The following CNTRL variants were observed in gnomAD, a reference collection of about 807,000 sequenced individuals.
The protein encoded by CNTRL is 110 kDa centrosomal protein.
CNTRL carries 233 observed loss-of-function variants against 303.7 expected under a neutral mutation model. That is an observed-to-expected ratio of 0.77 (90% confidence interval 0.69 to 0.86). The LOEUF (loss-of-function observed/expected upper bound fraction) is 0.86, where lower values mean the gene tolerates loss of function less well. Among genes scored for constraint, CNTRL ranks in the 40% least tolerant of loss-of-function variants. CNTRL has a pLI of 0.00. For missense variants in CNTRL, 2,524 were observed against 2,650.6 expected (o/e 0.95, Z 1.05); for synonymous variants, 900 against 922.2 (o/e 0.98, Z 0.44).
In CNTRL at chr9:121,125,839, G is replaced by C; in HGVS notation, c.1928G>C (p.Arg643Pro). ...GCCCAGAATGAGTGCAGGAAGCTGC[G>C]GGATGAGAAAGAGACATTGTTGCAG... ...TQAQNECRKL[R>P]DEKETLLQRL... Residue 643 changes from arginine (R) to proline (P), a missense_variant, in exon 14 of 44, where the codon CGG becomes CCG. Arg to Pro is a moderately radical substitution (Grantham distance 103). Transcript: ENST00000373855. The C allele has an allele frequency of 6.2e-7, 1 of 1,614,198 alleles. No individual in the cohort carries two copies.
At chr9:121,128,596 G>T (rs1450780478) in intron 14 of CNTRL, among the ~76,000 whole-genome samples, 2 of 152,168 alleles carry the variant, frequency 1.3e-5, no homozygotes, top group Non-Finnish European at 2.9e-5. Flanking sequence ...TAGGTTGCCT[G>T]TTCACTCTGA....
chr9:121,133,113 G>T (rs2050966216), intron 14 of CNTRL, among the ~76,000 whole-genome samples: 1 of 152,244 alleles, frequency 6.6e-6, no homozygotes, highest in Non-Finnish European at 1.5e-5. Flanking sequence ...CACTTGAGGA[G>T]GCAGTCTGTC....
rs139348946 is a variant in CNTRL at position 121,076,083 on chromosome 9, A to T, written c.-205+1016A>T. 2.4e-3 allele frequency among the ~76,000 whole-genome samples: 370 copies of T among 152,376 alleles called. 3 individuals carry two copies. The highest frequency in any genetic ancestry group is 8.6e-3 in the African/African-American group (356 of 41,590). On this transcript the variant is annotated intron_variant, in intron 1 of 43. Coordinates refer to ENST00000373855, the MANE Select transcript of CNTRL (RefSeq NM_007018.6). ...ATTTATTGTTTATAGAACAACAGACAAAACCTCTGCTCTCTTGTAGCTTAT... is the reference window on the plus strand; with the variant it reads ...ATTTATTGTTTATAGAACAACAGACTAAACCTCTGCTCTCTTGTAGCTTAT...
chr9:121,143,152 T>C (rs1372998604), intron 19 of CNTRL, among the ~76,000 whole-genome samples: 1 of 152,196 alleles, frequency 6.6e-6, no homozygotes, highest in East Asian at 1.9e-4. Context: ...GTTTCACACC[T>C]TCTCATTCCT....
chr9:121,162,324 T>C, intron 34 of CNTRL, 53 bp downstream of exon 34: 1 of 1,459,798 alleles, frequency 6.9e-7, no homozygotes, highest in East Asian at 2.3e-5. Flanking sequence ...GCCAAAGCAT[T>C]ATAAACACAC....
At chr9:121,147,606 T>C (rs910428477) in intron 23 of CNTRL, among the ~76,000 whole-genome samples, 1 of 151,910 alleles carries the variant, frequency 6.6e-6, no homozygotes, top group African/African-American at 2.4e-5. Flanking sequence ...ATGTGGGAAG[T>C]GAGGAGAAGA....
chr9:121,132,548 GT>G (rs1490732768), intron 14 of CNTRL, among the ~76,000 whole-genome samples: 4 of 152,070 alleles, frequency 2.6e-5, no homozygotes, highest in Non-Finnish European at 5.9e-5. Context: ...TTTTTTCAAG[GT>G]TTTTAGCTTC....
intron 7 of CNTRL, among the ~76,000 whole-genome samples, chr9:121,102,233 A>G (rs1304556145): frequency 6.6e-6 from 1 of 152,230 alleles, no homozygotes; most frequent in African/African-American, 2.4e-5. Flanking sequence ...CTGGCATGCA[A>G]GGCTGGTTCA....
rs11334928 is a variant in CNTRL at position 121,106,337 on chromosome 9, CAA to C, written c.809-1448_809-1447del. Among the ~76,000 whole-genome samples the C allele has an allele frequency of 3.7e-3, 353 of 96,548 alleles. 1 individual carries two copies. Among genetic ancestry groups the C allele is most frequent in the African/African-American group, 8.6e-3 (223 of 25,892 alleles). 63.3% of individuals were successfully genotyped at this position (96,548 alleles called of 152,430 possible). On this transcript the variant is annotated intron_variant, in intron 7 of 43. Coordinates refer to ENST00000373855, the MANE Select transcript of CNTRL (RefSeq NM_007018.6). ...CTGGGCGACAGAGCGAGACTCCGTC[CAA>C]AAAAAAAAAAAAAAAACCTAAAAGC...
rs371707228 is a variant in CNTRL, at chr9:121,150,455, A to G, written c.3935A>G (p.His1312Arg). The G allele has an allele frequency of 8.7e-6, 14 of 1,614,032 alleles. No homozygotes were observed. The highest frequency in any genetic ancestry group is 1.6e-4 in the Middle Eastern group (1 of 6,084). ...CCCTTCATCCCTATGGGTGTGCTGC[A>G]TTGCAACGTCCCTGAACACCATAAC... is the stretch of plus-strand genomic sequence containing the variant. Reference protein sequence around the residue: ...SIPFIPMGVLHCNVPEHHNLE... With the variant: ...SIPFIPMGVLRCNVPEHHNLE... The change falls in exon 25 of 44, where the codon CAT (histidine) becomes CGT (arginine). Residue 1312 changes from histidine (H) to arginine (R), a missense_variant. Coordinates refer to ENST00000373855, the MANE Select transcript of CNTRL (RefSeq NM_007018.6).
At chr9:121,155,653 G>A (rs1401238719) in intron 27 of CNTRL, among the ~76,000 whole-genome samples, 1 of 152,140 alleles carries the variant, frequency 6.6e-6, no homozygotes, top group Non-Finnish European at 1.5e-5. Context: ...CAACACAGAG[G>A]GAAGTTGGGG....
chr9:121,169,828 C>T lies in CNTRL; in HGVS notation c.6276+12C>T, dbSNP rs1053991685. The stretch of plus-strand genomic sequence containing the variant: ...AGAAAAACCTTCTTGTGAGTACCTG[C>T]TGCCGTGGCAGTTTGTGAGGAAATG... On this transcript the variant is annotated intron_variant, in intron 39 of 43. Coordinates refer to ENST00000373855, the MANE Select transcript of CNTRL (RefSeq NM_007018.6). 1 of 1,608,834 alleles carries T rather than the reference C, an allele frequency of 6.2e-7. No individual in the cohort carries two copies. The highest frequency in any genetic ancestry group is 8.5e-7 in the Non-Finnish European group (1 of 1,176,460).
intron 7 of CNTRL, 108 bp from the exon 8 acceptor site, chr9:121,107,694 G>T: frequency 1.4e-6 from 1 of 738,964 alleles, no homozygotes; most frequent in Non-Finnish European, 2.1e-6. Context: ...AAGTAGAATT[G>T]TATTTACAAT....
intron 36 of CNTRL, among the ~76,000 whole-genome samples, chr9:121,167,216 C>T (rs974620619): frequency 6.6e-6 from 1 of 151,624 alleles, no homozygotes; most frequent in Non-Finnish European, 1.5e-5. Context: ...GAGGCTGAGA[C>T]GGGAGGATTG....
intron 8 of CNTRL, among the ~76,000 whole-genome samples, chr9:121,109,835 T>A (rs575122028): frequency 1.3e-5 from 2 of 152,112 alleles, no homozygotes; most frequent in Non-Finnish European, 2.9e-5. Context: ...ATTTTTATAG[T>A]TGTTGGACAG....
At chr9:121,169,084 A>G (rs1334415571) in intron 38 of CNTRL, among the ~76,000 whole-genome samples, 2 of 152,240 alleles carry the variant, frequency 1.3e-5, no homozygotes, top group Non-Finnish European at 2.9e-5. Context: ...TTTCGTAAGC[A>G]TTATCTGTCG....
chr9:121,103,769 G>GA (rs2049308728), intron 7 of CNTRL, among the ~76,000 whole-genome samples: 4 of 152,124 alleles, frequency 2.6e-5, no homozygotes, highest in Admixed American at 2.6e-4. Context: ...AGACATTTAT[G>GA]AAAAAATGCT....
intron 12 of CNTRL, 116 bp downstream of exon 12, chr9:121,118,656 T>A: frequency 1.3e-6 from 1 of 787,778 alleles, no homozygotes; most frequent in Non-Finnish European, 1.9e-6. Flanking sequence ...TGTACAAATT[T>A]AAGTGATATA....
chr9:121,136,242 G>C (rs748673971), intron 15 of CNTRL, among the ~76,000 whole-genome samples: 5 of 152,030 alleles, frequency 3.3e-5, no homozygotes, highest in Non-Finnish European at 5.9e-5. Context: ...AGATAAATGA[G>C]ATAATGGACA....
Sources: gnomAD v4.1 joint callset for allele counts (sites outside exome capture counted in the v4.1 genomes callset) on GRCh38, gnomAD v4.1.1 for gene constraint, MANE v1.5 for transcripts, NCBI Gene and HGNC (gene_info 2026-07-23, HGNC 2026-07-21) for gene names.